The following EPSTI1 variants were observed in gnomAD, a reference collection of about 807,000 sequenced individuals.
EPSTI1 encodes the protein epithelial-stromal interaction protein 1.
In EPSTI1, 66 loss-of-function variants were observed where a neutral mutation model predicts 49.9. The ratio of observed to expected loss-of-function variants is 1.32; its 90% CI spans 1.08 to 1.62. EPSTI1 has a LOEUF of 1.62. Among genes scored for constraint, EPSTI1 ranks in the 40% most tolerant of loss-of-function variants. EPSTI1 has a pLI of 0.00. For missense variants in EPSTI1, 394 were observed against 365.5 expected, an observed-to-expected ratio of 1.08 and a Z score of -0.64; for synonymous variants, 137 against 130.7, an observed-to-expected ratio of 1.05 and a Z score of -0.33.
chr13:42,982,423 TGGAG>T (rs2040001994), intron 1 of EPSTI1, among the ~76,000 whole-genome samples: 1 of 152,260 alleles, frequency 6.6e-6, no homozygotes, highest in Non-Finnish European at 1.5e-5. Flanking sequence ...GCTCTGCCTA[TGGAG>T]TAGTCACTCT....
chr13:42,949,342 C>A (rs1315824005), intron 6 of EPSTI1, among the ~76,000 whole-genome samples: 1 of 152,158 alleles, frequency 6.6e-6, no homozygotes, highest in East Asian at 1.9e-4. Context: ...GTAATCCCAG[C>A]ACTTTGGGAG....
At chr13:42,977,727 T>C (rs1412438025) in intron 1 of EPSTI1, among the ~76,000 whole-genome samples, 1 of 152,262 alleles carries the variant, frequency 6.6e-6, no homozygotes, top group Non-Finnish European at 1.5e-5. Flanking sequence ...TGTTATTTCC[T>C]ATCTGTACAA....
chr13:42,953,894 C>A lies in EPSTI1; in HGVS notation c.563+54G>T, dbSNP rs560214615. The A allele has an allele frequency of 3.2e-5, 46 of 1,435,830 alleles. No homozygotes were observed. In the East Asian group the frequency reaches 1.0e-3, roughly 33 times the overall value. 88.9% of individuals were successfully genotyped at this position (1,435,830 alleles called of 1,614,324 possible). ...AAGTTAGCATCACCTGAATTTAAAA[C>A]CTCTATGAACAATCTGCCTATAAAG... On this transcript the variant is annotated intron_variant, in intron 6 of 10. Coordinates refer to ENST00000313624, the MANE Select transcript of EPSTI1 (RefSeq NM_033255.5).
chr13:42,950,053 TAC>T lies in EPSTI1; in HGVS notation c.563+3893_563+3894del, dbSNP rs1357856530. Among the ~76,000 whole-genome samples, 4 of 152,206 alleles carry T rather than the reference TAC, an allele frequency of 2.6e-5. No homozygotes were observed. In the East Asian group the frequency reaches 7.7e-4, roughly 29 times the overall value. Reference sequence around the variant, plus strand: ...TGAATTTTTATAAGTAGTAAATAATTACAGAGACTAAAAATAACCTTGAAAGT... The same window carrying T: ...TGAATTTTTATAAGTAGTAAATAATTAGAGACTAAAAATAACCTTGAAAGT... On this transcript the variant is annotated intron_variant, in intron 6 of 10. Transcript: ENST00000313624.
chr13:42,958,240 A>AT (rs754647811), intron 5 of EPSTI1, among the ~76,000 whole-genome samples: 28 of 149,284 alleles, frequency 1.9e-4, no homozygotes, highest in Admixed American at 3.3e-4. Flanking sequence ...CCTGGGGAAC[A>AT]TTTTTTTTTT....
chr13:42,992,132 G>A lies in EPSTI1; in HGVS notation c.34C>T (p.Leu12Phe), dbSNP rs941963714. ...NTRNRVVNSG[L>F]GASPASRPTR... ...GGGCGGGAGGCAGGGGAGGCGCCGA[G>A]CCCGGAGTTCACCACTCTATTGCGG... Residue 12 changes from leucine (L) to phenylalanine (F), a missense_variant, in exon 1 of 11, where the codon CTC (leucine) becomes TTC (phenylalanine). Transcript: ENST00000313624. 1.2e-6 allele frequency: 2 copies of A among 1,606,222 alleles called. No individual in the cohort carries two copies. The highest frequency in any genetic ancestry group is 2.2e-5 in the South Asian group (2 of 90,304).
chr13:42,903,129 T>G (rs955489750), intron 8 of EPSTI1, among the ~76,000 whole-genome samples: 1 of 152,196 alleles, frequency 6.6e-6, no homozygotes, highest in African/African-American at 2.4e-5. Context: ...CTGAACAAAC[T>G]AACTCTCATT....
At position 42,909,936 on chromosome 13, in the gene EPSTI1, G is replaced by A. The variant is rs540865864; in HGVS notation, c.741+7605C>T. The stretch of plus-strand genomic sequence containing the variant: ...GATCATTTATTATATTCTTGAAAAT[G>A]CAAAGAATGTTAAGTGCTCTCACCA... On this transcript the variant is annotated intron_variant, in intron 8 of 10. Transcript: ENST00000313624. Among the ~76,000 whole-genome samples the A allele has an allele frequency of 3.3e-5, 5 of 152,232 alleles. No homozygotes were observed. In the East Asian group the frequency reaches 7.7e-4, roughly 23 times the overall value.
chr13:42,966,692 G>A (rs1463508035), intron 3 of EPSTI1, among the ~76,000 whole-genome samples: 2 of 82,222 alleles, frequency 2.4e-5, no homozygotes, highest in Non-Finnish European at 5.5e-5. Flanking sequence ...GGAGGGAGGT[G>A]GGGGGGTCAG....
chr13:42,941,618 A>AG (rs1244914678), intron 6 of EPSTI1, among the ~76,000 whole-genome samples: 3 of 149,286 alleles, frequency 2.0e-5, no homozygotes, highest in African/African-American at 7.3e-5. Context: ...AGACACTGGA[A>AG]AAAAAAAAAA....
At chr13:42,920,147 G>A (rs1481393926) in intron 7 of EPSTI1, among the ~76,000 whole-genome samples, 2 of 152,126 alleles carry the variant, frequency 1.3e-5, no homozygotes, top group Non-Finnish European at 2.9e-5. Flanking sequence ...CTGTAAAGAT[G>A]CTATCTCTGA....
chr13:42,965,492 T>C (rs2039578254), intron 3 of EPSTI1, among the ~76,000 whole-genome samples: 1 of 151,962 alleles, frequency 6.6e-6, no homozygotes, highest in South Asian at 2.1e-4. Flanking sequence ...TGCAAGGAGG[T>C]AACTGAAACC....
At chr13:42,901,979 C>T (rs2037373025) in intron 8 of EPSTI1, among the ~76,000 whole-genome samples, 1 of 144,450 alleles carries the variant, frequency 6.9e-6, no homozygotes, top group Admixed American at 7.2e-5. Context: ...CATGTGTTCT[C>T]ATTGTTCAAT....
chr13:42,889,345 T>C, intron 10 of EPSTI1: 1 of 758,490 alleles, frequency 1.3e-6, no homozygotes, highest in African/African-American at 1.8e-5. Flanking sequence ...TTAACAATGA[T>C]TAAAAAATAA....
rs573564416 is a variant in EPSTI1 at position 42,944,972 on chromosome 13, G to A, written c.563+8976C>T. 5.3e-5 allele frequency among the ~76,000 whole-genome samples: 8 copies of A among 152,224 alleles called. No homozygotes were observed. In the South Asian group the frequency reaches 1.7e-3, roughly 32 times the overall value. The stretch of plus-strand genomic sequence containing the variant: ...CTTCCTTCTAGATAGAATTGATTAA[G>A]ACACCTCATCATAGACCTACCCCTG... On this transcript the variant is annotated intron_variant, in intron 6 of 10. Transcript: ENST00000313624.
intron 6 of EPSTI1, among the ~76,000 whole-genome samples, chr13:42,931,559 C>T (rs558608641): frequency 9.6e-4 from 146 of 152,336 alleles, no homozygotes; most frequent in African/African-American, 3.2e-3. Context: ...CAAACATCAG[C>T]CCTGGATCAT....
At chr13:42,919,392 A>C in intron 7 of EPSTI1, 1 of 1,459,246 alleles carries the variant, frequency 6.9e-7, no homozygotes, top group Non-Finnish European at 9.6e-7. Context: ...TCTAAACACC[A>C]GAAATTTCTA....
intron 1 of EPSTI1, among the ~76,000 whole-genome samples, chr13:42,986,510 C>T (rs1017628877): frequency 1.3e-5 from 2 of 152,070 alleles, no homozygotes; most frequent in South Asian, 2.1e-4. Context: ...TTTGAGAGGT[C>T]GAGGTGGGTG....
At chr13:42,990,407 T>C (rs910143935) in intron 1 of EPSTI1, among the ~76,000 whole-genome samples, 3 of 152,194 alleles carry the variant, frequency 2.0e-5, no homozygotes, top group African/African-American at 7.2e-5. Flanking sequence ...CAACAGTTAA[T>C]ACTTATGCGA....
Sources: gnomAD v4.1 joint callset for allele counts (sites outside exome capture counted in the v4.1 genomes callset) on GRCh38, gnomAD v4.1.1 for gene constraint, MANE v1.5 for transcripts, NCBI Gene and HGNC (gene_info 2026-07-23, HGNC 2026-07-21) for gene names.